CYTH2: variants seen among roughly 807,000 people sequenced by gnomAD.
The protein encoded by CYTH2 is cytohesin-2.
CYTH2 carries 24 observed loss-of-function variants against 55.4 expected under a neutral mutation model. The observed-to-expected ratio is 0.43, with a 90% CI of 0.31 to 0.61. The LOEUF is 0.61. CYTH2 is among the 20% of genes least tolerant of loss of function. The pLI is 0.08. For synonymous variants in CYTH2, 221 were observed against 209.6 expected (o/e 1.05, Z -0.47); for missense variants, 378 against 533.5 (o/e 0.71, Z 2.87).
intron 1 of CYTH2, chr19:48,469,739 G>T: frequency 3.8e-6 from 3 of 791,642 alleles, no homozygotes; most frequent in Non-Finnish European, 5.8e-6. Flanking sequence ...GCCTGTTTCC[G>T]GTGGCGGCGG....
chr19:48,474,787 C>T lies in CYTH2; in HGVS notation c.697-51C>T, dbSNP rs1971876291. 2 of 1,577,866 alleles carry T rather than the reference C, an allele frequency of 1.3e-6. No individual in the cohort carries two copies. The highest frequency in any genetic ancestry group is 1.7e-6 in the Non-Finnish European group (2 of 1,148,014). On this transcript the variant is annotated intron_variant, in intron 7 of 11. Transcript: ENST00000452733. The surrounding 1 kb of genome is among the most constrained non-coding windows in gnomAD (Gnocchi z 4.9). ...CTCGCTGCCCCCCACCCTGAGTAAC[C>T]CTGGGGGGCCCCAGGGGGCTCGAAT...
intron 3 of CYTH2, among the ~76,000 whole-genome samples, chr19:48,471,932 T>C (rs1040948415): frequency 3.9e-5 from 6 of 152,106 alleles, no homozygotes; most frequent in Non-Finnish European, 7.4e-5. Context: ...GGGGCATGCC[T>C]ATAGTCCCAG....
At chr19:48,469,951 G>T (rs1314309518) in intron 1 of CYTH2, 1 of 552,906 alleles carries the variant, frequency 1.8e-6, no homozygotes, top group Non-Finnish European at 3.6e-6. Context: ...CGGCTGTAGT[G>T]ACTTTTCATG....
At position 48,479,227 on chromosome 19, in the gene CYTH2, C is replaced by T. The variant is rs1289965529; in HGVS notation, c.*17C>T. On this transcript the variant is annotated 3_prime_UTR_variant, in exon 12 of 12. Transcript: ENST00000452733. ...CAGCCCTGACCCCCTGCCCCCAACT[C>T]CATTATTTATTACGGAGCTGCCCCG... The T allele has an allele frequency of 3.7e-6, 6 of 1,613,660 alleles. No individual in the cohort carries two copies. The highest frequency in any genetic ancestry group is 1.1e-5 in the South Asian group (1 of 91,070).
intron 8 of CYTH2, chr19:48,475,261 A>C: frequency 3.0e-6 from 1 of 335,534 alleles, no homozygotes; most frequent in Non-Finnish European, 5.5e-6. Context: ...TTCGTGGGAG[A>C]AGAGTTCACT....
At position 48,480,132 on chromosome 19, in the gene CYTH2, G is replaced by A. The variant is rs1826373631; in HGVS notation, c.*922G>A. On this transcript the variant is annotated 3_prime_UTR_variant, in exon 12 of 12. Transcript: ENST00000452733. ...GGGTACCCCTGAATCCTGGGCTAAG[G>A]TCTGTGACCTTTTGCCCTCCAGTTG... is the stretch of plus-strand genomic sequence containing the variant. 6.6e-6 allele frequency: 1 copy of A among 152,234 alleles called. No homozygotes were observed. Among genetic ancestry groups the A allele is most frequent in the Admixed American group, 6.5e-5 (1 of 15,282 alleles). 9.4% of individuals were successfully genotyped at this position (152,234 alleles called of 1,614,324 possible).
At chr19:48,470,797 G>A in intron 3 of CYTH2, 128 bp downstream of exon 3, 3 of 958,812 alleles carry the variant, frequency 3.1e-6, no homozygotes, top group Non-Finnish European at 4.8e-6. Flanking sequence ...CCTAATCCCT[G>A]GATTCAGATA....
In CYTH2 at chr19:48,480,733, A is replaced by C. The variant is rs973160848; in HGVS notation, c.*1523A>C. ...TCCAAATGAGAAAATAGAATTCCCC[A>C]CTTCTCTTTCCCACAGGTGCCAGGG... is the stretch of plus-strand genomic sequence containing the variant. On this transcript the variant is annotated 3_prime_UTR_variant, in exon 12 of 12. Transcript: ENST00000452733. 6.6e-6 allele frequency: 1 copy of C among 152,092 alleles called. No homozygotes were observed. The highest frequency in any genetic ancestry group is 2.1e-4 in the South Asian group (1 of 4,818). 9.4% of individuals were successfully genotyped at this position (152,092 alleles called of 1,614,324 possible).
At chr19:48,471,584 C>T (rs1569088033) in intron 3 of CYTH2, among the ~76,000 whole-genome samples, 1 of 152,342 alleles carries the variant, frequency 6.6e-6, no homozygotes, top group East Asian at 1.9e-4. Context: ...ACCGATACCA[C>T]AGTTCACAGT....
chr19:48,471,055 G>A (rs1445773011), intron 3 of CYTH2, among the ~76,000 whole-genome samples: 1 of 152,168 alleles, frequency 6.6e-6, no homozygotes, highest in Non-Finnish European at 1.5e-5. Context: ...TCTGGAGGAG[G>A]CAGGCTGGTG....
chr19:48,475,256 G>A, intron 8 of CYTH2: 1 of 345,894 alleles, frequency 2.9e-6, no homozygotes, highest in East Asian at 6.0e-5. Flanking sequence ...GTCCTTTCGT[G>A]GGAGAAGAGT....
In CYTH2 at chr19:48,474,204, C is replaced by A; in HGVS notation, c.570C>A (p.Phe190Leu). The A allele has an allele frequency of 6.2e-7, 1 of 1,606,236 alleles. No individual in the cohort carries two copies. Among genetic ancestry groups the A allele is most frequent in the Non-Finnish European group, 8.5e-7 (1 of 1,175,954 alleles). The change falls in exon 7 of 12, where the codon TTC (phenylalanine) becomes TTA (leucine). Residue 190 changes from phenylalanine to leucine, a missense_variant. Physicochemically the swap from Phe to Leu is conservative, Grantham distance 22. Coordinates refer to ENST00000452733, the MANE Select transcript of CYTH2 (RefSeq NM_004228.7). This position sits in a 1 kb window ranked among gnomAD's most constrained non-coding sequence, Gnocchi z 4.9. ...CAGACACGTGCTATGTGCTGTCCTT[C>A]GCCGTCATCATGCTCAACACCAGTC... is the stretch of plus-strand genomic sequence containing the variant. Reference protein sequence around the residue: ...QSTDTCYVLSFAVIMLNTSLH... With the variant: ...QSTDTCYVLSLAVIMLNTSLH...
At chr19:48,472,860 G>A in intron 4 of CYTH2, 1 of 345,240 alleles carries the variant, frequency 2.9e-6, no homozygotes, top group South Asian at 2.5e-5. Flanking sequence ...GAAGCCTAGG[G>A]TGCACAGGAC....
chr19:48,478,325 G>C lies in CYTH2; in HGVS notation c.936G>C (p.Glu312Asp). ...CCCTGGAGAATCTGAGCATCCGAGA[G>C]GTGGACGACCCCCGGAAACCGGTAA... ...IIPLENLSIR[E>D]VDDPRKPNCF... Residue 312 changes from glutamate to aspartate, a missense_variant, in exon 10 of 12, where the codon GAG (glutamate) becomes GAC (aspartate). Transcript: ENST00000452733. The C allele has an allele frequency of 6.2e-7, 1 of 1,614,006 alleles. No individual in the cohort carries two copies. Among genetic ancestry groups the C allele is most frequent in the Non-Finnish European group, 8.5e-7 (1 of 1,180,004 alleles).
At chr19:48,472,231 A>G in intron 3 of CYTH2, 94 bp from the exon 4 acceptor site, 2 of 1,076,080 alleles carry the variant, frequency 1.9e-6, no homozygotes, top group South Asian at 1.3e-5. Flanking sequence ...TGGTCTGTTG[A>G]GGGTGGGGGT....
chr19:48,469,859 G>C, intron 1 of CYTH2: 1 of 565,222 alleles, frequency 1.8e-6, no homozygotes, highest in Non-Finnish European at 3.3e-6. Flanking sequence ...TGGGTTGCGG[G>C]GAGGGGAGAA....
chr19:48,477,787 C>A, intron 8 of CYTH2: 2 of 465,972 alleles, frequency 4.3e-6, no homozygotes, highest in Non-Finnish European at 3.9e-6. Context: ...GGCGCCCTGG[C>A]GCCCTGGCCT....
At chr19:48,477,052 T>C (rs1271830577) in intron 8 of CYTH2, 1 of 152,206 alleles carries the variant, frequency 6.6e-6, no homozygotes, top group Non-Finnish European at 1.5e-5. Context: ...CCTTAAAAGA[T>C]GGAAATACAG....
Position 48,478,994 on chromosome 19 carries a change from C to T in CYTH2, c.1113-129C>T, listed in dbSNP as rs540358947. The T allele has an allele frequency of 4.2e-4, 367 of 873,972 alleles. 9 individuals carry two copies. The highest frequency in any genetic ancestry group is 3.7e-3 in the African/African-American group (194 of 53,100). 54.1% of individuals were successfully genotyped at this position (873,972 alleles called of 1,614,324 possible). A position where few individuals can be genotyped will look rare whatever the true frequency, so the allele number is the denominator to read the frequency against. ...CTGCTGGGTCTGAGGGAGGAGGGGC[C>T]GGGGGCCTGGACTCCTGGGTCTGAG... is the stretch of plus-strand genomic sequence containing the variant. On this transcript the variant is annotated intron_variant, in intron 11 of 11. Coordinates refer to ENST00000452733, the MANE Select transcript of CYTH2 (RefSeq NM_004228.7).
Sources: gnomAD v4.1 joint callset for allele counts (sites outside exome capture counted in the v4.1 genomes callset) on GRCh38, gnomAD v4.1.1 for gene constraint, Gnocchi (gnomAD v3.1) non-coding constraint, MANE v1.5 for transcripts, NCBI Gene and HGNC (gene_info 2026-07-23, HGNC 2026-07-21) for gene names.